The following TTLL13 variants were observed in gnomAD, a reference collection of about 807,000 sequenced individuals.
TTLL13 encodes the protein tubulin tyrosine ligase like 13.
At chr15:90,264,801 G>A in the TTLL13 span, 1 of 1,536,070 alleles carries the variant, frequency 6.5e-7, no homozygotes, top group South Asian at 1.2e-5. Context: ...CCAAAGCAGG[G>A]CTATTTTCTG....
the TTLL13 span, chr15:90,256,422 G>A: frequency 8.3e-7 from 1 of 1,200,622 alleles, no homozygotes. Flanking sequence ...CCGTTTTCCT[G>A]GAGGCAGTAT....
the TTLL13 span, chr15:90,257,682 A>G: frequency 8.7e-6 from 14 of 1,614,048 alleles, no homozygotes; most frequent in Non-Finnish European, 1.0e-5. Context: ...CAACAAACAC[A>G]ATGAGAATTT....
the TTLL13 span, chr15:90,258,309 G>A: frequency 1.5e-5 from 24 of 1,577,204 alleles, no homozygotes; most frequent in Non-Finnish European, 2.0e-5. Flanking sequence ...CCAAGGTCCA[G>A]AGGCCTCCTT....
chr15:90,262,034 G>T, the TTLL13 span: 1 of 1,535,328 alleles, frequency 6.5e-7, no homozygotes, highest in Middle Eastern at 1.7e-4. Context: ...ATCCCATGTG[G>T]CAATGCTGGA....
At chr15:90,263,241 G>T in the TTLL13 span, 8 of 1,138,474 alleles carry the variant, frequency 7.0e-6, no homozygotes, top group Admixed American at 1.7e-4. Context: ...TTGTGTGATG[G>T]TATCTGTCAG....
chr15:90,263,474 T>C, the TTLL13 span: 1 of 492,586 alleles, frequency 2.0e-6, no homozygotes, highest in South Asian at 3.5e-5. Context: ...GTGGCTTCTG[T>C]ATAATTTTCT....
chr15:90,257,697 C>T, the TTLL13 span: 24 of 1,613,996 alleles, frequency 1.5e-5, no homozygotes, highest in African/African-American at 4.0e-5. Flanking sequence ...GAATTTTGTC[C>T]GGGATGGCGC....
At chr15:90,257,498 C>A in the TTLL13 span, 4 of 986,290 alleles carry the variant, frequency 4.1e-6, no homozygotes, top group Non-Finnish European at 5.9e-6. Context: ...CCAGGATCAT[C>A]TAGAATAGCA....
the TTLL13 span, chr15:90,265,174 G>A: frequency 1.5e-6 from 2 of 1,291,206 alleles, no homozygotes; most frequent in Non-Finnish European, 2.0e-6. Context: ...ACTAGAAGAT[G>A]AAGAGGCGCC....
chr15:90,263,199 C>A, the TTLL13 span: 1 of 1,438,354 alleles, frequency 7.0e-7, no homozygotes, highest in South Asian at 1.4e-5. Context: ...GCTGTCATTC[C>A]AGGACATGGT....
At chr15:90,257,778 G>A in the TTLL13 span, 44 of 1,559,958 alleles carry the variant, frequency 2.8e-5, no homozygotes, top group Non-Finnish European at 3.8e-5. Context: ...CACAGTCCCA[G>A]TAGCCCATGA....
At chr15:90,259,786 C>A in the TTLL13 span, among the ~76,000 whole-genome samples, 165 of 152,290 alleles carry the variant, frequency 1.1e-3, no homozygotes, top group African/African-American at 3.3e-3. Context: ...AATAGAGAAT[C>A]GTTTACATCC....
At chr15:90,252,118 C>T in the TTLL13 span, among the ~76,000 whole-genome samples, 1 of 149,720 alleles carries the variant, frequency 6.7e-6, no homozygotes, top group Admixed American at 7.0e-5. Context: ...CGACTCACTG[C>T]AACCTCCACC....
At chr15:90,256,117 T>C in the TTLL13 span, 3 of 1,610,916 alleles carry the variant, frequency 1.9e-6, no homozygotes, top group East Asian at 6.7e-5. Context: ...AGAAACCTTT[T>C]GACCAGGCCC....
At chr15:90,259,141 T>C in the TTLL13 span, 26 of 1,134,542 alleles carry the variant, frequency 2.3e-5, no homozygotes, top group African/African-American at 9.5e-5. Flanking sequence ...GGCAGGAGGA[T>C]TGCTTGAGCC....
At chr15:90,251,368 C>T in the TTLL13 span, among the ~76,000 whole-genome samples, 2 of 147,668 alleles carry the variant, frequency 1.4e-5, no homozygotes, top group East Asian at 4.1e-4. Context: ...TTGTGATCCA[C>T]CCGCCTCGGC....
At chr15:90,262,469 C>G in the TTLL13 span, 1 of 1,460,934 alleles carries the variant, frequency 6.8e-7, no homozygotes, top group Non-Finnish European at 9.0e-7. Flanking sequence ...TCTCTACTGT[C>G]TGAAGCTGCT....
the TTLL13 span, among the ~76,000 whole-genome samples, chr15:90,256,573 CT>C: frequency 1.8e-5 from 1 of 56,336 alleles, no homozygotes; most frequent in African/African-American, 9.3e-5. Flanking sequence ...TTCTTTCTTT[CT>C]TTCTTTCTTT....
chr15:90,265,433 C>G, the TTLL13 span: 1 of 1,303,532 alleles, frequency 7.7e-7, no homozygotes, highest in South Asian at 1.8e-5. Context: ...AGGGACGGCT[C>G]TTGGAAACGG....
Sources: allele counts gnomAD v4.1 joint callset (sites outside exome capture counted in the v4.1 genomes callset), GRCh38; gene constraint gnomAD v4.1.1; transcripts MANE v1.5; gene names NCBI Gene and HGNC (gene_info 2026-07-23, HGNC 2026-07-21).